DNAH6: variants seen among roughly 807,000 people sequenced by gnomAD.
DNAH6 encodes the protein axonemal beta dynein heavy chain 6.
In DNAH6, 340 loss-of-function variants were observed where a neutral mutation model predicts 491.4. That is an observed-to-expected ratio of 0.69 (90% CI 0.63 to 0.76). The LOEUF is 0.76. Among genes scored for constraint, DNAH6 ranks in the 30% least tolerant of loss-of-function variants. DNAH6 has a pLI of 0.00. For missense variants in DNAH6, 4,443 were observed against 4,972.2 expected, an observed-to-expected ratio of 0.89 and a Z score of 3.20; for synonymous variants, 1,603 against 1,686.1, an observed-to-expected ratio of 0.95 and a Z score of 1.21.
chr2:84,617,747 C>T (rs1351074512), intron 23 of DNAH6, among the ~76,000 whole-genome samples: 2 of 151,856 alleles, frequency 1.3e-5, no homozygotes, highest in African/African-American at 2.4e-5. Flanking sequence ...TAAGAGAGAC[C>T]GGTGTTGCCT....
At chr2:84,708,476 G>GGC (rs1696693708) in intron 54 of DNAH6, among the ~76,000 whole-genome samples, 1 of 50,862 alleles carries the variant, frequency 2.0e-5, no homozygotes, top group Non-Finnish European at 4.3e-5. Flanking sequence ...AAGAGAGAAA[G>GGC]GGGGGGGGGA....
At chr2:84,817,388 A>G (rs1019738018) in intron 76 of DNAH6, among the ~76,000 whole-genome samples, 1 of 152,228 alleles carries the variant, frequency 6.6e-6, no homozygotes, top group Non-Finnish European at 1.5e-5. Context: ...CAACCAAACC[A>G]TCTTTCAAAA....
chr2:84,498,729 T>A, the DNAH6 span, among the ~76,000 whole-genome samples: 4 of 151,544 alleles, frequency 2.6e-5, no homozygotes, highest in Admixed American at 6.6e-5. Context: ...TTTTTTTTTT[T>A]AAATAGCACC....
At chr2:84,694,106 C>T (rs1439618755) in intron 45 of DNAH6, 143 bp from the exon 46 acceptor site, 2 of 665,766 alleles carry the variant, frequency 3.0e-6, no homozygotes, top group Non-Finnish European at 5.2e-6. Context: ...ACCCTGGCCT[C>T]AGATGCAGCC....
chr2:84,654,734 G>T lies in DNAH6; in HGVS notation c.5709G>T (p.Leu1903=). ...CGMVFVDPEE[L]KWMPYVKTWM... ...TGGTGTTTGTGGATCCTGAAGAACT[G>T]AAATGGATGCCTTATGTTAAAACTT... The change falls in exon 35 of 77, where the codon CTG becomes CTT. Residue 1903 remains leucine (L), a synonymous_variant. Coordinates refer to ENST00000389394, the MANE Select transcript of DNAH6 (RefSeq NM_001370.2). 2 of 1,551,228 alleles carry T rather than the reference G, an allele frequency of 1.3e-6. No individual in the cohort carries two copies. The highest frequency in any genetic ancestry group is 1.7e-6 in the Non-Finnish European group (2 of 1,146,428).
intron 14 of DNAH6, among the ~76,000 whole-genome samples, chr2:84,582,018 A>C (rs562210819): frequency 6.6e-6 from 1 of 152,352 alleles, no homozygotes; most frequent in African/African-American, 2.4e-5. Flanking sequence ...GGACATTCCC[A>C]GAGAAACCTG....
Position 84,547,754 on chromosome 2 carries a change from A to G in DNAH6, c.1186+142A>G, listed in dbSNP as rs1056265352. 13 of 971,728 alleles carry G rather than the reference A, an allele frequency of 1.3e-5. No homozygotes were observed. The African/African-American group carries it at 2.2e-4, about 16-fold the overall frequency. 60.2% of individuals were successfully genotyped at this position (971,728 alleles called of 1,614,324 possible). On this transcript the variant is annotated intron_variant, in intron 7 of 76. Transcript: ENST00000389394. ...ACATTTGATGGATATTATAAATTTA[A>G]TGTATTTTGTGGAAGGGAGGGAAAT...
In DNAH6 at chr2:84,669,411, T is replaced by G; in HGVS notation, c.6207T>G (p.Leu2069=). The part of the protein sequence containing the change: ...YNRDVPFFEM[L]VPTTDTVRYG... ...GAGATGTTCCATTTTTTGAAATGCT[T>G]GTCCCCACAACTGACACAGTGCGCT... Residue 2069 remains leucine, a synonymous_variant, in exon 38 of 77, where the codon CTT becomes CTG. Transcript: ENST00000389394. 2 of 1,552,082 alleles carry G rather than the reference T, an allele frequency of 1.3e-6. No homozygotes were observed. Among genetic ancestry groups the G allele is most frequent in the African/African-American group, 2.7e-5 (2 of 73,172 alleles).
intron 11 of DNAH6, among the ~76,000 whole-genome samples, chr2:84,571,923 GAAAAAAA>G (rs971115274): frequency 1.3e-5 from 2 of 149,890 alleles, no homozygotes; most frequent in African/African-American, 4.9e-5. Context: ...GTCTCAAAAA[GAAAAAAA>G]AGAAAAAAGA....
Position 84,681,390 on chromosome 2 carries a change from C to G in DNAH6, c.6778C>G (p.Pro2260Ala), listed in dbSNP as rs1420340470. ...ILNGFLSDFP[P>A]AVKQTASSIV... ...AAATGGTTTCCTGAGTGACTTTCCA[C>G]CAGCTGTAAAGCAAACTGCATCAAG... is the stretch of plus-strand genomic sequence containing the variant. Residue 2260 changes from proline to alanine, a missense_variant, in exon 42 of 77, where the codon CCA becomes GCA. Coordinates refer to ENST00000389394, the MANE Select transcript of DNAH6 (RefSeq NM_001370.2). 2 of 1,550,076 alleles carry G rather than the reference C, an allele frequency of 1.3e-6. No individual in the cohort carries two copies. The highest frequency in any genetic ancestry group is 4.9e-5 in the East Asian group (2 of 40,878).
intron 29 of DNAH6, among the ~76,000 whole-genome samples, chr2:84,629,943 A>G (rs189875246): frequency 7.6e-4 from 116 of 152,352 alleles, no homozygotes; most frequent in African/African-American, 2.7e-3. Context: ...AATAACTGGA[A>G]TGGATCAAAA....
intron 55 of DNAH6, 112 bp downstream of exon 55, chr2:84,709,658 C>A: frequency 2.5e-6 from 3 of 1,187,074 alleles, no homozygotes; most frequent in Non-Finnish European, 3.6e-6. Flanking sequence ...ATTTAACATA[C>A]ATGGAGATTT....
the DNAH6 span, among the ~76,000 whole-genome samples, chr2:84,487,467 A>G: frequency 6.6e-6 from 1 of 152,214 alleles, no homozygotes; most frequent in East Asian, 1.9e-4. Context: ...AATGGTATTC[A>G]TCCCCCTAGC....
intron 11 of DNAH6, among the ~76,000 whole-genome samples, chr2:84,561,029 C>T (rs1026042099): frequency 4.6e-5 from 7 of 151,516 alleles, no homozygotes; most frequent in East Asian, 1.9e-4. Flanking sequence ...CCTGAGGAAT[C>T]GCCACACTGA....
At chr2:84,663,694 C>A (rs1371330386) in intron 37 of DNAH6, among the ~76,000 whole-genome samples, 1 of 152,124 alleles carries the variant, frequency 6.6e-6, no homozygotes, top group African/African-American at 2.4e-5. Flanking sequence ...TCCAGGAGAA[C>A]TTCCCCAACC....
rs1327522414 is a variant in DNAH6 at position 84,706,938 on chromosome 2, G to A, written c.8770G>A (p.Ala2924Thr). 6.5e-7 allele frequency: 1 copy of A among 1,544,594 alleles called. No individual in the cohort carries two copies. Among genetic ancestry groups the A allele is most frequent in the Admixed American group, 2.1e-5 (1 of 48,694 alleles). ...ITMATLREKQALLRQVEDQIQ... is the reference protein window; with the variant it reads ...ITMATLREKQTLLRQVEDQIQ... ...CATGGCTACCCTGAGAGAAAAGCAA[G>A]CATTACTAAGACAAGTAGAAGATCA... Residue 2924 changes from alanine to threonine, a missense_variant, in exon 53 of 77, where the codon GCA becomes ACA. This residue lies in a region of DNAH6 where 1,463 missense variants were observed against 1,656.6 expected (regional missense o/e 0.88). Transcript: ENST00000389394.
chr2:84,761,789 T>TACACACACAC lies in DNAH6; in HGVS notation c.10513-942_10513-933dup, dbSNP rs35707461. On this transcript the variant is annotated intron_variant, in intron 63 of 76. Coordinates refer to ENST00000389394, the MANE Select transcript of DNAH6 (RefSeq NM_001370.2). ...ACAGCATTACATACACACACACACATACACACACACACACACACACACACA... is the reference window on the plus strand; with the variant it reads ...ACAGCATTACATACACACACACACATACACACACACACACACACACACACACACACACACA... Among the ~76,000 whole-genome samples the TACACACACAC allele has an allele frequency of 9.4e-3, 1,327 of 141,870 alleles. 15 individuals are homozygous for TACACACACAC. The highest frequency in any genetic ancestry group is 0.026 in the African/African-American group (1,003 of 38,310). The allele number at this position is 141,870 out of a possible 152,430, so 93.1% of individuals were successfully genotyped here. A position where few individuals can be genotyped will look rare whatever the true frequency, so the allele number is the denominator to read the frequency against.
At chr2:84,483,968 G>A in the DNAH6 span, among the ~76,000 whole-genome samples, 1 of 152,246 alleles carries the variant, frequency 6.6e-6, no homozygotes, top group African/African-American at 2.4e-5. Flanking sequence ...GGGGACACCT[G>A]TTACAGCTGA....
At position 84,814,067 on chromosome 2, in the gene DNAH6, T is replaced by C; in HGVS notation, c.12095T>C (p.Val4032Ala). Reference sequence around the variant, plus strand: ...CCCACCTATCGGGATCAAGCTGCAGTGATAGAAGCTGCCAAGACAGTGCAA... The same window carrying C: ...CCCACCTATCGGGATCAAGCTGCAGCGATAGAAGCTGCCAAGACAGTGCAA... ...VIPTYRDQAAVIEAAKTVQFG... is the reference protein window; with the variant it reads ...VIPTYRDQAAAIEAAKTVQFG... The change falls in exon 75 of 77, where the codon GTG becomes GCG. Residue 4032 changes from valine (V) to alanine (A), a missense_variant. Val to Ala is a moderately conservative substitution (Grantham distance 64, BLOSUM62 0). Transcript: ENST00000389394. 6.4e-7 allele frequency: 1 copy of C among 1,551,746 alleles called. No homozygotes were observed. Among genetic ancestry groups the C allele is most frequent in the Non-Finnish European group, 8.7e-7 (1 of 1,146,996 alleles).
Sources: gnomAD v4.1 joint callset for allele counts (sites outside exome capture counted in the v4.1 genomes callset) on GRCh38, gnomAD v4.1.1 for gene constraint, gnomAD v4.1.1 regional missense constraint, MANE v1.5 for transcripts, NCBI Gene and HGNC (gene_info 2026-07-23, HGNC 2026-07-21) for gene names.